Variants in RPGR observed in about 807,000 individuals in gnomAD.
RPGR encodes retinitis pigmentosa GTPase regulator, also known as X-linked retinitis pigmentosa GTPase regulator.
RPGR carries 10 observed loss-of-function variants against 56.3 expected under a neutral mutation model. The observed-to-expected ratio is 0.18, with a 90% CI of 0.11 to 0.30. RPGR has a LOEUF of 0.30. Ranked by LOEUF, RPGR falls within the 10% of genes least tolerant of loss-of-function variation. The probability of loss-of-function intolerance (pLI) is 1.00; values close to 1 mark genes in which losing one functional copy is unlikely to be tolerated. For synonymous variants in RPGR, 197 were observed against 212.9 expected (o/e 0.93, Z 0.65); for missense variants, 538 against 590.9 (o/e 0.91, Z 0.93).
chrX:38,286,392 TTCC>T (rs2067169507), intron 15 of RPGR: 2 of 703,268 alleles, frequency 2.8e-6, no homozygotes, highest in Non-Finnish European at 3.5e-6. Context: ...CCTCCCCTTC[TTCC>T]TCCCCTTCTC....
intron 6 of RPGR, among the ~76,000 whole-genome samples, chrX:38,314,305 T>C (rs1405913501): frequency 9.0e-6 from 1 of 111,569 alleles, no homozygotes; most frequent in African/African-American, 3.3e-5. Context: ...TAAAATAACA[T>C]TTATCACAAA....
intron 13 of RPGR, among the ~76,000 whole-genome samples, chrX:38,289,130 T>A (rs1167011191): frequency 9.0e-6 from 1 of 111,438 alleles, no homozygotes; most frequent in Admixed American, 9.6e-5. Flanking sequence ...ATTCACAAAA[T>A]AAATAAAAAT....
chrX:38,304,855 G>A (rs2067566886), intron 7 of RPGR, 65 bp from the exon 8 acceptor site: 23 of 1,063,834 alleles, frequency 2.2e-5, no homozygotes, highest in Non-Finnish European at 2.7e-5. Flanking sequence ...CATCATATCT[G>A]GAAAAACTGT....
Position 38,269,712 on chromosome X carries a change from C to T in RPGR, c.2362G>A (p.Ala788Thr). ...TTCTGACTCATGTGGTTCTGGTCGGCATCTTTATTATCACTTTTTAAAATG... is the reference window on the plus strand; with the variant it reads ...TTCTGACTCATGTGGTTCTGGTCGGTATCTTTATTATCACTTTTTAAAATG... Residue 788 changes from alanine (A) to threonine (T), a missense_variant, in exon 19 of 19, where the codon GCC becomes ACC. Physicochemically the swap from Ala to Thr is moderately conservative, Grantham distance 58 (BLOSUM62 0). Around this residue, in one of 2 missense-constraint regions of RPGR, gnomAD observed 357 missense variants for 325.8 expected, o/e 1.10. Coordinates refer to ENST00000642395, the MANE Select transcript of RPGR (RefSeq NM_000328.3). The T allele has an allele frequency of 8.3e-7, 1 of 1,207,923 alleles. No homozygotes were observed. Among genetic ancestry groups the T allele is most frequent in the Non-Finnish European group, 1.1e-6 (1 of 892,350 alleles).
At chrX:38,276,551 C>T (rs770673068) in intron 16 of RPGR, 142 of 1,187,648 alleles carry the variant, frequency 1.2e-4, no homozygotes, top group Non-Finnish European at 1.6e-4. Flanking sequence ...TATGTTTTCT[C>T]CCAGGATCTC....
chrX:38,299,658 T>C (rs992434745), intron 9 of RPGR, among the ~76,000 whole-genome samples: 12 of 110,437 alleles, frequency 1.1e-4, no homozygotes, highest in African/African-American at 3.9e-4. Flanking sequence ...TATGCGTGAT[T>C]ACTTGGGTGA....
chrX:38,278,270 T>C (rs76067211), intron 15 of RPGR, among the ~76,000 whole-genome samples: 7,209 of 112,077 alleles, frequency 0.064, 297 homozygotes, highest in South Asian at 0.14. Context: ...AGACAGGGTC[T>C]CACTCTGTCA....
intron 15 of RPGR, among the ~76,000 whole-genome samples, chrX:38,279,379 T>C (rs1455365554): frequency 8.9e-6 from 1 of 111,915 alleles, no homozygotes; most frequent in Non-Finnish European, 1.9e-5. Context: ...CTTTGTTTCA[T>C]TGGTCAGGCA....
intron 1 of RPGR, among the ~76,000 whole-genome samples, chrX:38,325,434 C>A: frequency 9.0e-6 from 1 of 111,472 alleles, no homozygotes; most frequent in East Asian, 2.8e-4. Context: ...TCAAATATAA[C>A]TTTCAACATT....
At chrX:38,317,238 A>G in intron 6 of RPGR, 78 bp downstream of exon 6, 2 of 996,223 alleles carry the variant, frequency 2.0e-6, no homozygotes, top group Non-Finnish European at 2.8e-6. Context: ...ATAGAACCAG[A>G]GACTATATCA....
chrX:38,322,677 T>G (rs1451510387), intron 3 of RPGR, among the ~76,000 whole-genome samples, 176 bp downstream of exon 3: 4 of 112,326 alleles, frequency 3.6e-5, no homozygotes, highest in Non-Finnish European at 7.5e-5. Context: ...TTTTAGACCC[T>G]AACATATAAA....
At chrX:38,286,303 TCCTCCTCTTCTC>T in intron 15 of RPGR, 1 of 647,660 alleles carries the variant, frequency 1.5e-6, no homozygotes, top group Non-Finnish European at 1.9e-6. Context: ...CCCTTCTCCT[TCCTCCTCTTCTC>T]CCTCCCCTTC....
chrX:38,284,617 G>C (rs2067095891), intron 15 of RPGR: 6 of 741,026 alleles, frequency 8.1e-6, no homozygotes, highest in Non-Finnish European at 3.2e-6. Context: ...AACTTTTCAA[G>C]AGTAAAGAAA....
intron 7 of RPGR, among the ~76,000 whole-genome samples, chrX:38,308,843 C>A (rs1368455807): frequency 9.0e-6 from 1 of 111,120 alleles, no homozygotes; most frequent in Non-Finnish European, 1.9e-5. Context: ...AGCTTAATAA[C>A]CACGACTGGG....
Position 38,285,927 on chromosome X carries a change from CTCCCCTTCCACT to C in RPGR, c.1905+1155_1905+1166del, listed in dbSNP as rs199896738. 0.074 allele frequency: 82,235 copies of C among 1,110,662 alleles called. 2,635 individuals carry two copies. The highest frequency in any genetic ancestry group is 0.085 in the Non-Finnish European group (71,274 of 836,589). 91.5% of individuals were successfully genotyped at this position (1,110,662 alleles called of 1,213,427 possible). Reference sequence around the variant, plus strand: ...CCCCCTCTCCTTCCTCCCCTTCCACCTCCCCTTCCACTTCCCCTTCCTCTTCTTCCTCCCCTT... The same window carrying C: ...CCCCCTCTCCTTCCTCCCCTTCCACCTCCCCTTCCTCTTCTTCCTCCCCTT... On this transcript the variant is annotated intron_variant, in intron 15 of 18. Transcript: ENST00000642395.
In RPGR at chrX:38,321,127, A is replaced by T. The variant is rs776028894; in HGVS notation, c.248-38T>A. ...AAAATGGGACAATTATTTTATAGCA[A>T]TGAAAATGAACAGTAGTCCAGGACA... On this transcript the variant is annotated intron_variant, in intron 3 of 18. Transcript: ENST00000642395. 6 of 1,005,017 alleles carry T rather than the reference A, an allele frequency of 6.0e-6. No individual in the cohort carries two copies. The Admixed American group carries it at 6.6e-5, about 11-fold the overall frequency. The allele number at this position is 1,005,017 out of a possible 1,213,427, so 82.8% of individuals were successfully genotyped here.
At chrX:38,322,542 A>G (rs1425608610) in intron 3 of RPGR, among the ~76,000 whole-genome samples, 1 of 112,322 alleles carries the variant, frequency 8.9e-6, no homozygotes, top group Non-Finnish European at 1.9e-5. Context: ...TGTATATACA[A>G]TAACAGTAAT....
chrX:38,302,271 G>T (rs2067515163), intron 8 of RPGR, among the ~76,000 whole-genome samples: 1 of 111,460 alleles, frequency 9.0e-6, no homozygotes, highest in Non-Finnish European at 1.9e-5. Context: ...CAAAGGAGGG[G>T]AATTTTCCTC....
intron 8 of RPGR, chrX:38,303,787 T>C (rs1601950552): frequency 3.4e-6 from 1 of 295,318 alleles, no homozygotes; most frequent in African/African-American, 2.8e-5. Context: ...GAGCAGTAGT[T>C]TTTTCAGGAG....
Sources: allele counts gnomAD v4.1 joint callset (sites outside exome capture counted in the v4.1 genomes callset), GRCh38; gene constraint gnomAD v4.1.1; regional missense constraint gnomAD v4.1.1; transcripts MANE v1.5; gene names NCBI Gene and HGNC (gene_info 2026-07-23, HGNC 2026-07-21).